CSMD1: variants seen among roughly 807,000 people sequenced by gnomAD.
CSMD1 encodes the protein CUB and sushi domain-containing protein 1.
CSMD1 carries 213 observed loss-of-function variants against 417.5 expected under a neutral mutation model. The observed-to-expected ratio is 0.51, with a 90% CI of 0.46 to 0.57. CSMD1 has a LOEUF of 0.57. Among genes scored for constraint, CSMD1 ranks in the 20% least tolerant of loss-of-function variants. The probability of loss-of-function intolerance (pLI) is 0.00; values close to 1 mark genes in which losing one functional copy is unlikely to be tolerated. For missense variants in CSMD1, 6,923 were observed against 4,529.7 expected (o/e 1.53, Z -15.17); for synonymous variants, 2,862 against 1,736.8 (o/e 1.65, Z -16.11).
At chr8:4,571,394 T>A (rs865850327) in intron 2 of CSMD1, among the ~76,000 whole-genome samples, 1 of 152,216 alleles carries the variant, frequency 6.6e-6, no homozygotes, top group African/African-American at 2.4e-5. Flanking sequence ...TTAATTTCGT[T>A]ATTTACCCAG....
At position 3,087,164 on chromosome 8, in the gene CSMD1, G is replaced by C. The variant is rs748071810; in HGVS notation, c.7407C>G (p.Ser2469Arg). The stretch of plus-strand genomic sequence containing the variant: ...GTGGGTTTCGTCTACAGGTTGCATT[G>C]CTGTGGCCGACCATTCGGTATCCAG... ...CKPGYRMVGH[S>R]NATCRRNPLG... Residue 2469 changes from serine to arginine, a missense_variant, in exon 49 of 70, where the codon AGC becomes AGG. By Grantham distance (110) the Ser-to-Arg change is moderately radical. Coordinates refer to ENST00000635120, the MANE Select transcript of CSMD1 (RefSeq NM_033225.6). 1.2e-6 allele frequency: 2 copies of C among 1,613,910 alleles called. No homozygotes were observed. Among genetic ancestry groups the C allele is most frequent in the South Asian group, 2.2e-5 (2 of 91,068 alleles).
Position 2,998,367 on chromosome 8 carries a change from G to A in CSMD1, c.8204-183C>T, listed in dbSNP as rs184811923. On this transcript the variant is annotated intron_variant, in intron 53 of 69. Coordinates refer to ENST00000635120, the MANE Select transcript of CSMD1 (RefSeq NM_033225.6). ...ATATTGGGAGCTACAACCACAGGCT[G>A]ACACTACAGGCTTTTAATATAATTG... Among the ~76,000 whole-genome samples, 54 of 152,318 alleles carry A rather than the reference G, an allele frequency of 3.5e-4. 1 individual carries two copies. The highest frequency in any genetic ancestry group is 1.2e-3 in the African/African-American group (51 of 41,566).
chr8:4,481,378 T>A (rs894197653), intron 2 of CSMD1, among the ~76,000 whole-genome samples: 1 of 152,228 alleles, frequency 6.6e-6, no homozygotes, highest in African/African-American at 2.4e-5. Context: ...AAATATAAAA[T>A]GAGACATCTC....
At chr8:3,538,506 A>G (rs1215054595) in intron 10 of CSMD1, among the ~76,000 whole-genome samples, 1 of 152,096 alleles carries the variant, frequency 6.6e-6, no homozygotes, top group Non-Finnish European at 1.5e-5. Context: ...GCGATGCCTC[A>G]CCTGAGATGC....
intron 23 of CSMD1, among the ~76,000 whole-genome samples, chr8:3,314,120 T>G (rs1381661787): frequency 6.8e-6 from 1 of 147,776 alleles, no homozygotes; most frequent in Non-Finnish European, 1.5e-5. Context: ...GAGCCTGTTG[T>G]GGGGTGGGGG....
chr8:4,412,729 A>G (rs1298990912), intron 3 of CSMD1, among the ~76,000 whole-genome samples: 3 of 152,212 alleles, frequency 2.0e-5, no homozygotes, highest in Non-Finnish European at 4.4e-5. Context: ...TGAAAAGTTA[A>G]TAAATTACAG....
At chr8:4,606,890 T>G (rs531517204) in intron 2 of CSMD1, among the ~76,000 whole-genome samples, 3 of 152,298 alleles carry the variant, frequency 2.0e-5, no homozygotes, top group African/African-American at 7.2e-5. Context: ...ACCGTGAACT[T>G]TCTCCCCATT....
intron 2 of CSMD1, among the ~76,000 whole-genome samples, chr8:4,622,561 T>C (rs549975606): frequency 6.6e-6 from 1 of 152,090 alleles, no homozygotes; most frequent in Non-Finnish European, 1.5e-5. Flanking sequence ...CTTAACATAG[T>C]GGCAGCTGGC....
At chr8:4,052,973 AG>A (rs1177867083) in intron 3 of CSMD1, among the ~76,000 whole-genome samples, 17 of 152,248 alleles carry the variant, frequency 1.1e-4, no homozygotes, top group African/African-American at 3.9e-4. Flanking sequence ...CCAGAACCTG[AG>A]GGCCCCCTTA....
intron 1 of CSMD1, among the ~76,000 whole-genome samples, chr8:4,796,965 G>C (rs1300477052): frequency 6.6e-6 from 1 of 152,172 alleles, no homozygotes; most frequent in Non-Finnish European, 1.5e-5. Flanking sequence ...TGATTGCCTG[G>C]TCATCAGGCC....
intron 1 of CSMD1, among the ~76,000 whole-genome samples, chr8:4,892,236 T>C (rs1804168888): frequency 6.6e-6 from 1 of 152,122 alleles, no homozygotes; most frequent in Non-Finnish European, 1.5e-5. Flanking sequence ...AATAAAATAG[T>C]GCTCTTCTAA....
chr8:3,337,550 G>C (rs570524021), intron 23 of CSMD1, among the ~76,000 whole-genome samples: 1 of 152,236 alleles, frequency 6.6e-6, no homozygotes, highest in East Asian at 1.9e-4. Context: ...CTCGGTAAGC[G>C]ATGGCCACTC....
At position 4,637,473 on chromosome 8, in the gene CSMD1, G is replaced by A; in HGVS notation, c.171C>T (p.Asn57=). The change falls in exon 2 of 70, where the codon AAC becomes AAT. Residue 57 remains asparagine, a synonymous_variant. Transcript: ENST00000635120. ...CGCCCGTGATGATGATCCAGGTGCA[G>A]TTGGCATAGTTCGGATACCCGTGAG... ...GFPHGYPNYA[N]CTWIIITGER... 1 of 1,613,842 alleles carries A rather than the reference G, an allele frequency of 6.2e-7. No homozygotes were observed. Among genetic ancestry groups the A allele is most frequent in the Non-Finnish European group, 8.5e-7 (1 of 1,179,854 alleles).
At chr8:3,945,178 C>CAAAAAA (rs138900503) in intron 5 of CSMD1, among the ~76,000 whole-genome samples, 78 of 118,884 alleles carry the variant, frequency 6.6e-4, no homozygotes, top group Non-Finnish European at 7.2e-4. Context: ...ATGAGAAAGA[C>CAAAAAA]AAAAAAAAAA....
intron 10 of CSMD1, among the ~76,000 whole-genome samples, chr8:3,525,013 G>C (rs908800287): frequency 6.6e-6 from 1 of 152,118 alleles, no homozygotes; most frequent in African/African-American, 2.4e-5. Context: ...CATCAAGTTG[G>C]CATTTATTTT....
chr8:3,818,726 G>A (rs1338140872), intron 5 of CSMD1, among the ~76,000 whole-genome samples: 2 of 152,168 alleles, frequency 1.3e-5, no homozygotes, highest in African/African-American at 2.4e-5. Flanking sequence ...AACACAACCA[G>A]AGGAATTTGA....
chr8:3,662,086 G>A (rs774019791), intron 7 of CSMD1, among the ~76,000 whole-genome samples: 2 of 152,040 alleles, frequency 1.3e-5, no homozygotes, highest in African/African-American at 4.8e-5. Context: ...AAACAGAGAA[G>A]GAGCATGCTT....
At chr8:3,156,329 T>C (rs936398658) in intron 39 of CSMD1, among the ~76,000 whole-genome samples, 2 of 152,238 alleles carry the variant, frequency 1.3e-5, no homozygotes, top group Non-Finnish European at 2.9e-5. Flanking sequence ...GTGACTGTTA[T>C]AATGATCCAG....
intron 5 of CSMD1, among the ~76,000 whole-genome samples, chr8:3,959,416 T>G (rs758437274): frequency 6.6e-6 from 1 of 152,182 alleles, no homozygotes; most frequent in Non-Finnish European, 1.5e-5. Flanking sequence ...GGAAGATCAC[T>G]TGAACCTGGG....
Sources: gnomAD v4.1 joint callset for allele counts (sites outside exome capture counted in the v4.1 genomes callset) on GRCh38, gnomAD v4.1.1 for gene constraint, MANE v1.5 for transcripts, NCBI Gene and HGNC (gene_info 2026-07-23, HGNC 2026-07-21) for gene names.